Variants in PCAT7 observed in about 807,000 individuals in gnomAD.
PCAT7 encodes the protein prostate cancer associated transcript 7, also known as prostate cancer associated transcript 7 (non-protein coding).
intron 2 of PCAT7, chr9:94,567,299 C>T (rs1324985129): frequency 9.3e-6 from 15 of 1,614,196 alleles, no homozygotes; most frequent in Non-Finnish European, 1.3e-5. Flanking sequence ...TGCACATATT[C>T]AGTGGTGGCC....
At chr9:94,559,476 C>T (rs770403899) in intron 2 of PCAT7, among the ~76,000 whole-genome samples, 13 of 152,112 alleles carry the variant, frequency 8.5e-5, no homozygotes, top group Non-Finnish European at 1.6e-4. Flanking sequence ...ACTGATGCTG[C>T]AGGCCTTGGT....
chr9:94,564,057 T>G (rs2131443248), intron 2 of PCAT7, among the ~76,000 whole-genome samples: 1 of 152,230 alleles, frequency 6.6e-6, no homozygotes, highest in African/African-American at 2.4e-5. Context: ...CTTCAACACC[T>G]CACTGACAGT....
At chr9:94,564,207 A>G (rs913421432) in intron 2 of PCAT7, among the ~76,000 whole-genome samples, 3 of 152,242 alleles carry the variant, frequency 2.0e-5, no homozygotes, top group African/African-American at 7.2e-5. Context: ...CAGCACATAC[A>G]GTAAAATTGG....
chr9:94,560,938 T>C (rs866053141), intron 2 of PCAT7, among the ~76,000 whole-genome samples: 2 of 151,948 alleles, frequency 1.3e-5, no homozygotes, highest in East Asian at 3.9e-4. Context: ...CCTCTGGCTC[T>C]TAAAGTAGTG....
chr9:94,566,352 G>A (rs965252742), intron 2 of PCAT7, among the ~76,000 whole-genome samples: 7 of 152,232 alleles, frequency 4.6e-5, no homozygotes, highest in African/African-American at 7.2e-5. Context: ...CGCCCAGGGT[G>A]GAAAACCGCT....
intron 3 of PCAT7, chr9:94,573,114 G>A (rs1400417435): frequency 6.6e-6 from 1 of 152,154 alleles, no homozygotes; most frequent in Non-Finnish European, 1.5e-5. Context: ...TACATATGTT[G>A]GGTAACAGTG....
chr9:94,562,309 C>CAAAAAAAAAA (rs397893359), intron 2 of PCAT7, among the ~76,000 whole-genome samples: 1 of 72,106 alleles, frequency 1.4e-5, no homozygotes, highest in East Asian at 4.4e-4. Context: ...GACTCCATCT[C>CAAAAAAAAAA]AAAAAAAAAA....
chr9:94,563,210 A>G, intron 2 of PCAT7: 1 of 1,034,740 alleles, frequency 9.7e-7, no homozygotes, highest in Non-Finnish European at 1.4e-6. Flanking sequence ...AACAGAGTTC[A>G]TTTTTCCTCC....
chr9:94,571,349 G>T, intron 2 of PCAT7: 1 of 1,161,122 alleles, frequency 8.6e-7, no homozygotes, highest in Non-Finnish European at 1.2e-6. Flanking sequence ...CAGGACCCCT[G>T]GTCCCCAAAA....
At chr9:94,560,403 C>T (rs1007998580) in intron 2 of PCAT7, among the ~76,000 whole-genome samples, 5 of 152,138 alleles carry the variant, frequency 3.3e-5, no homozygotes, top group Admixed American at 1.3e-4. Context: ...GATGTCATGA[C>T]GCCCCCAGCC....
intron 1 of PCAT7, among the ~76,000 whole-genome samples, chr9:94,556,235 G>A (rs941655053): frequency 6.7e-6 from 1 of 150,136 alleles, no homozygotes; most frequent in Non-Finnish European, 1.5e-5. Context: ...ATATGAAGGA[G>A]CAAAAGGGCG....
intron 2 of PCAT7, among the ~76,000 whole-genome samples, chr9:94,562,198 C>T (rs903719037): frequency 6.6e-6 from 1 of 150,942 alleles, no homozygotes; most frequent in Non-Finnish European, 1.5e-5. Context: ...GTAGTCCCAG[C>T]TACTCTGAGG....
chr9:94,556,864 G>T (rs1341227738), intron 1 of PCAT7, among the ~76,000 whole-genome samples: 1 of 152,106 alleles, frequency 6.6e-6, no homozygotes, highest in Non-Finnish European at 1.5e-5. Context: ...TTTGTATATG[G>T]TAAGGTAATG....
intron 2 of PCAT7, among the ~76,000 whole-genome samples, chr9:94,566,445 C>T (rs1298664641): frequency 1.3e-5 from 2 of 152,276 alleles, no homozygotes; most frequent in Non-Finnish European, 2.9e-5. Flanking sequence ...ACCAGCCCAA[C>T]CTATTCCTTT....
At chr9:94,569,892 C>T (rs1038963714) in intron 2 of PCAT7, 1 of 152,266 alleles carries the variant, frequency 6.6e-6, no homozygotes, top group Non-Finnish European at 1.5e-5. Flanking sequence ...ATGCTGCCTC[C>T]ATAAGCTACT....
At chr9:94,572,286 G>T (rs1827277853) in intron 2 of PCAT7, among the ~76,000 whole-genome samples, 1 of 152,046 alleles carries the variant, frequency 6.6e-6, no homozygotes, top group Non-Finnish European at 1.5e-5. Flanking sequence ...GGGACTCTTA[G>T]CTGCTACATT....
chr9:94,557,702 G>A (rs557289107), intron 1 of PCAT7, among the ~76,000 whole-genome samples: 4 of 152,298 alleles, frequency 2.6e-5, no homozygotes, highest in East Asian at 3.9e-4. Context: ...AGATTTTTCC[G>A]TGTTGAATCA....
intron 2 of PCAT7, among the ~76,000 whole-genome samples, chr9:94,565,291 C>T (rs1354319476): frequency 1.4e-5 from 2 of 148,084 alleles, no homozygotes; most frequent in Non-Finnish European, 3.0e-5. Context: ...AGGAGAATCG[C>T]TTGAACCAGG....
chr9:94,559,455 A>C (rs758123403), intron 2 of PCAT7, among the ~76,000 whole-genome samples: 2 of 152,176 alleles, frequency 1.3e-5, no homozygotes, highest in Non-Finnish European at 2.9e-5. Context: ...TCTTGGTTCA[A>C]CAAGAAGCAA....
Sources: allele counts gnomAD v4.1 joint callset (sites outside exome capture counted in the v4.1 genomes callset), GRCh38; gene constraint gnomAD v4.1.1; transcripts MANE v1.5; gene names NCBI Gene and HGNC (gene_info 2026-07-23, HGNC 2026-07-21).